The following ZCWPW2 variants were observed in gnomAD, a reference collection of about 807,000 sequenced individuals.
The protein encoded by ZCWPW2 is zinc finger CW-type PWWP domain protein 2.
A neutral mutation model predicts 46.6 loss-of-function variants in ZCWPW2; 45 were observed. The ratio of observed to expected loss-of-function variants is 0.96; its 90% CI spans 0.76 to 1.24. The LOEUF is 1.24. ZCWPW2 is among the 50% of genes most tolerant of loss of function. The pLI is 0.00. For synonymous variants in ZCWPW2, 152 were observed against 137.1 expected (o/e 1.11, Z -0.76); for missense variants, 429 against 403.9 (o/e 1.06, Z -0.53).
In ZCWPW2 at chr3:28,413,172, A is replaced by G. The variant is rs763849899; in HGVS notation, c.104A>G (p.Asn35Ser). ...AACAAAGTGTGGGTTCAATGTGAGA[A>G]TGAAAATTGTTTGAAATGGAGATTG... ...YVNKVWVQCE[N>S]ENCLKWRLLS... Residue 35 changes from asparagine to serine, a missense_variant, in exon 3 of 10, where the codon AAT becomes AGT. Asn to Ser is a conservative substitution (Grantham distance 46). Coordinates refer to ENST00000383768, the MANE Select transcript of ZCWPW2 (RefSeq NM_001040432.4). The G allele has an allele frequency of 8.7e-6, 14 of 1,613,438 alleles. No homozygotes were observed. Among genetic ancestry groups the G allele is most frequent in the Non-Finnish European group, 1.1e-5 (13 of 1,179,568 alleles).
intron 5 of ZCWPW2, among the ~76,000 whole-genome samples, chr3:28,488,390 T>C (rs554963973): frequency 6.6e-6 from 1 of 152,300 alleles, no homozygotes; most frequent in African/African-American, 2.4e-5. Context: ...TACATGTTGT[T>C]GGACTCTAGT....
chr3:28,501,638 C>T (rs1050793864), intron 6 of ZCWPW2, among the ~76,000 whole-genome samples: 13 of 152,158 alleles, frequency 8.5e-5, no homozygotes, highest in Non-Finnish European at 1.8e-4. Flanking sequence ...ACTCATAAAA[C>T]TATCATCCCC....
At chr3:28,473,581 T>C (rs1198083549) in intron 4 of ZCWPW2, among the ~76,000 whole-genome samples, 2 of 152,188 alleles carry the variant, frequency 1.3e-5, no homozygotes, top group Non-Finnish European at 2.9e-5. Flanking sequence ...ATCTACACTC[T>C]AATGTTTATT....
intron 6 of ZCWPW2, among the ~76,000 whole-genome samples, chr3:28,506,784 A>G (rs1183595745): frequency 6.6e-6 from 1 of 152,096 alleles, no homozygotes; most frequent in African/African-American, 2.4e-5. Flanking sequence ...CCAAGCTCCT[A>G]CTATACCAGA....
intron 9 of ZCWPW2, among the ~76,000 whole-genome samples, chr3:28,521,936 C>G (rs947356674): frequency 6.6e-6 from 1 of 152,156 alleles, no homozygotes; most frequent in Non-Finnish European, 1.5e-5. Flanking sequence ...TGTCCCAATC[C>G]TGGTCCTGCC....
chr3:28,354,324 ATAGAC>A (rs1371651817), intron 1 of ZCWPW2, among the ~76,000 whole-genome samples: 4 of 148,586 alleles, frequency 2.7e-5, no homozygotes, highest in African/African-American at 9.8e-5. Context: ...GAATCCCTGA[ATAGAC>A]CAATAACAGG....
At chr3:28,357,780 T>C (rs1704796694) in intron 1 of ZCWPW2, among the ~76,000 whole-genome samples, 1 of 147,472 alleles carries the variant, frequency 6.8e-6, no homozygotes, top group Non-Finnish European at 1.5e-5. Flanking sequence ...ATACATATAA[T>C]ATATAGTTGG....
chr3:28,356,273 A>G (rs1319544934), intron 1 of ZCWPW2, among the ~76,000 whole-genome samples: 1 of 152,252 alleles, frequency 6.6e-6, no homozygotes, highest in Non-Finnish European at 1.5e-5. Flanking sequence ...ACTGGCCATC[A>G]GAGAAATGCA....
At chr3:28,375,809 T>G (rs886168925) in intron 1 of ZCWPW2, among the ~76,000 whole-genome samples, 18 of 151,894 alleles carry the variant, frequency 1.2e-4, no homozygotes, top group Non-Finnish European at 1.8e-4. Context: ...TCCTAACTTC[T>G]GGCAACCATT....
At position 28,525,783 on chromosome 3, in the gene ZCWPW2, C is replaced by T. The variant is rs987506518; in HGVS notation, c.*1095C>T. On this transcript the variant is annotated 3_prime_UTR_variant, in exon 10 of 10. Coordinates refer to ENST00000383768, the MANE Select transcript of ZCWPW2 (RefSeq NM_001040432.4). Reference sequence around the variant, plus strand: ...GTGGAGAGTGGAGATAGACTCACAACGGTGAAATATCTTATTTGTCAAAGT... The same window carrying T: ...GTGGAGAGTGGAGATAGACTCACAATGGTGAAATATCTTATTTGTCAAAGT... Among the ~76,000 whole-genome samples, 6 of 152,158 alleles carry T rather than the reference C, an allele frequency of 3.9e-5. No individual in the cohort carries two copies. Among genetic ancestry groups the T allele is most frequent in the Admixed American group, 6.6e-5 (1 of 15,264 alleles).
At chr3:28,447,892 C>T (rs569185860) in intron 4 of ZCWPW2, 24 of 902,228 alleles carry the variant, frequency 2.7e-5, no homozygotes, top group South Asian at 2.1e-4. Flanking sequence ...TAGAGGGGTT[C>T]GTGCTGTGAG....
In ZCWPW2 at chr3:28,435,242, C is replaced by T. The variant is rs373422090; in HGVS notation, c.465C>T (p.Phe155=). The change falls in exon 4 of 10, where the codon TTC becomes TTT. Residue 155 remains phenylalanine (F), a synonymous_variant. Coordinates refer to ENST00000383768, the MANE Select transcript of ZCWPW2 (RefSeq NM_001040432.4). ...PHSRSWIKAT[F]VGHYSITLKP... ...CAAGATCATGGATAAAGGCAACATT[C>T]GTTGGACATTATAGTATCACATTAA... 1.1e-5 allele frequency: 17 copies of T among 1,612,842 alleles called. No homozygotes were observed. Among genetic ancestry groups the T allele is most frequent in the South Asian group, 7.7e-5 (7 of 90,704 alleles).
chr3:28,517,552 T>C (rs1469346587), intron 8 of ZCWPW2, among the ~76,000 whole-genome samples: 1 of 152,134 alleles, frequency 6.6e-6, no homozygotes, highest in East Asian at 1.9e-4. Flanking sequence ...ACTCAATCAT[T>C]TGTGAGAAAT....
chr3:28,487,495 C>T (rs1467041443), intron 5 of ZCWPW2, among the ~76,000 whole-genome samples: 2 of 152,032 alleles, frequency 1.3e-5, no homozygotes, highest in East Asian at 1.9e-4. Context: ...CTTACGTTAC[C>T]TATCTGTTAT....
chr3:28,355,062 T>C (rs1704680693), intron 1 of ZCWPW2, among the ~76,000 whole-genome samples: 3 of 151,660 alleles, frequency 2.0e-5, no homozygotes, highest in African/African-American at 7.3e-5. Context: ...GAAGTCAAAT[T>C]ATCCCTGTTT....
chr3:28,507,547 G>C (rs1700311448), intron 6 of ZCWPW2, among the ~76,000 whole-genome samples: 1 of 151,512 alleles, frequency 6.6e-6, no homozygotes, highest in Non-Finnish European at 1.5e-5. Flanking sequence ...TGCAATCTTG[G>C]CTTCTATGAA....
At position 28,362,245 on chromosome 3, in the gene ZCWPW2, G is replaced by T. The variant is rs1264056009; in HGVS notation, c.-134+13042G>T. Among the ~76,000 whole-genome samples, 3 of 152,050 alleles carry T rather than the reference G, an allele frequency of 2.0e-5. No homozygotes were observed. In the East Asian group the frequency reaches 5.8e-4, roughly 29 times the overall value. The stretch of plus-strand genomic sequence containing the variant: ...TGTTCTTGAGATCCATTGTACAACA[G>T]TGTGAATATAGTTGACAATACTGTA... On this transcript the variant is annotated intron_variant, in intron 1 of 9. Coordinates refer to ENST00000383768, the MANE Select transcript of ZCWPW2 (RefSeq NM_001040432.4).
chr3:28,500,703 A>C (rs1444870769), intron 6 of ZCWPW2, among the ~76,000 whole-genome samples: 2 of 152,168 alleles, frequency 1.3e-5, no homozygotes, highest in Non-Finnish European at 2.9e-5. Context: ...TTATGACTAG[A>C]TGTCTGGATA....
At chr3:28,471,590 A>G (rs561237780) in intron 4 of ZCWPW2, among the ~76,000 whole-genome samples, 5 of 152,310 alleles carry the variant, frequency 3.3e-5, no homozygotes, top group Non-Finnish European at 7.4e-5. Context: ...GTATAGAAGG[A>G]ACATACCTCA....
Sources: allele counts gnomAD v4.1 joint callset (sites outside exome capture counted in the v4.1 genomes callset), GRCh38; gene constraint gnomAD v4.1.1; transcripts MANE v1.5; gene names NCBI Gene and HGNC (gene_info 2026-07-23, HGNC 2026-07-21).